Variants in KLHL24 observed in about 807,000 individuals in gnomAD.
KLHL24 encodes the protein kelch like family member 24.
A neutral mutation model predicts 53.4 loss-of-function variants in KLHL24; 29 were observed. The observed-to-expected ratio is 0.54, with a 90% CI of 0.40 to 0.74. The LOEUF is 0.74. KLHL24 is among the 30% of genes least tolerant of loss of function. KLHL24 has a pLI of 0.00. For synonymous variants in KLHL24, 222 were observed against 253.7 expected, an observed-to-expected ratio of 0.88 and a Z score of 1.19; for missense variants, 504 against 744.0, an observed-to-expected ratio of 0.68 and a Z score of 3.75.
At position 183,672,302 on chromosome 3, in the gene KLHL24, T is replaced by G; in HGVS notation, c.1420T>G (p.Ser474Ala). 6.4e-7 allele frequency: 1 copy of G among 1,572,888 alleles called. No homozygotes were observed. The highest frequency in any genetic ancestry group is 8.6e-7 in the Non-Finnish European group (1 of 1,157,302). ...TATTTTTATATGTTATTAGGTTCAA[T>G]CTTATGATCCAGAAACCAATTCTTG... ...DDNTCSDKVQ[S>A]YDPETNSWLL... Residue 474 changes from serine (S) to alanine (A), a missense_variant, in exon 7 of 8, where the codon TCT (serine) becomes GCT (alanine). By Grantham distance (99) the Ser-to-Ala change is moderately conservative (BLOSUM62 1). Transcript: ENST00000242810.
rs980104811 is a variant in KLHL24 at position 183,680,002 on chromosome 3, C to A, written c.*716C>A. ...AATTCCTAAGAGAAAAATGGAATGGCCTTTGAAGGAAAAATGACCCACTAT... is the reference window on the plus strand; with the variant it reads ...AATTCCTAAGAGAAAAATGGAATGGACTTTGAAGGAAAAATGACCCACTAT... On this transcript the variant is annotated 3_prime_UTR_variant, in exon 8 of 8. Transcript: ENST00000242810. 3.3e-5 allele frequency: 5 copies of A among 152,108 alleles called. No homozygotes were observed. Among genetic ancestry groups the A allele is most frequent in the African/African-American group, 9.7e-5 (4 of 41,430 alleles). The allele number at this position is 152,108 out of a possible 1,614,324, so 9.4% of individuals were successfully genotyped here. A position where few individuals can be genotyped will look rare whatever the true frequency, so the allele number is the denominator to read the frequency against.
chr3:183,648,214 C>G (rs78760031), intron 2 of KLHL24, among the ~76,000 whole-genome samples: 3,890 of 151,916 alleles, frequency 0.026, 72 homozygotes, highest in Middle Eastern at 0.041. Flanking sequence ...AGTAGGATAT[C>G]TGGGGCATTA....
intron 5 of KLHL24, among the ~76,000 whole-genome samples, chr3:183,666,259 AT>A (rs59275668): frequency 0.34 from 50,770 of 149,966 alleles, 9,353 homozygotes; most frequent in African/African-American, 0.49. Flanking sequence ...GATTTTGGAT[AT>A]TTTTTTTTTC....
chr3:183,644,331 A>G (rs1015786271), intron 2 of KLHL24, among the ~76,000 whole-genome samples: 3 of 152,162 alleles, frequency 2.0e-5, no homozygotes. Context: ...TCACACTCCT[A>G]AGATGCCCTC....
At chr3:183,639,295 CTA>C (rs1196983525) in intron 1 of KLHL24, among the ~76,000 whole-genome samples, 2 of 152,056 alleles carry the variant, frequency 1.3e-5, no homozygotes, top group African/African-American at 4.8e-5. Context: ...AAACCACTGA[CTA>C]TGTGCTTTTA....
intron 5 of KLHL24, among the ~76,000 whole-genome samples, chr3:183,669,536 G>T (rs2108868162): frequency 6.6e-6 from 1 of 152,222 alleles, no homozygotes; most frequent in Admixed American, 6.5e-5. Context: ...TGTCTGAGCT[G>T]CATAGTGTTG....
intron 1 of KLHL24, among the ~76,000 whole-genome samples, chr3:183,639,595 A>G: frequency 7.2e-6 from 1 of 139,586 alleles, no homozygotes; most frequent in Non-Finnish European, 1.5e-5. Flanking sequence ...GCGCCGCTGC[A>G]CTCCAGCCTG....
Position 183,683,829 on chromosome 3 carries a change from T to G in KLHL24, c.*4543T>G, listed in dbSNP as rs1403872843. On this transcript the variant is annotated 3_prime_UTR_variant, in exon 8 of 8. Transcript: ENST00000242810. The stretch of plus-strand genomic sequence containing the variant: ...CAATCTAAATGAAGCTTACCTTAGA[T>G]AAGGTTCATATTTGTTTCCTATAGA... 1 of 152,660 alleles carries G rather than the reference T, an allele frequency of 6.6e-6. No homozygotes were observed. Among genetic ancestry groups the G allele is most frequent in the Admixed American group, 6.5e-5 (1 of 15,280 alleles). The allele number at this position is 152,660 out of a possible 1,614,324, so 9.5% of individuals were successfully genotyped here.
In KLHL24 at chr3:183,648,874, GTGCC is replaced by G. The variant is rs766992347; in HGVS notation, c.-61-1419_-61-1416del. 8.8e-4 allele frequency among the ~76,000 whole-genome samples: 134 copies of G among 152,162 alleles called. 1 individual carries two copies. The highest frequency in any genetic ancestry group is 3.1e-3 in the African/African-American group (130 of 41,522). Reference sequence around the variant, plus strand: ...AAAATTAGCCGGGTGTGGTGGGTACGTGCCTGTAGTCCCAGCTACTCGGGAGGCT... The same window carrying G: ...AAAATTAGCCGGGTGTGGTGGGTACGTGTAGTCCCAGCTACTCGGGAGGCT... On this transcript the variant is annotated intron_variant, in intron 2 of 7. Transcript: ENST00000242810.
chr3:183,660,170 C>A (rs1432306997), intron 3 of KLHL24, among the ~76,000 whole-genome samples: 4 of 147,930 alleles, frequency 2.7e-5, no homozygotes, highest in African/African-American at 7.5e-5. Context: ...CTCCCTCTGT[C>A]ACCCAGCCTA....
chr3:183,659,486 C>T (rs1393039978), intron 3 of KLHL24, among the ~76,000 whole-genome samples: 3 of 152,306 alleles, frequency 2.0e-5, no homozygotes, highest in East Asian at 1.9e-4. Flanking sequence ...ATTGCAAGAT[C>T]GTGTCACTGT....
In KLHL24 at chr3:183,679,234, A is replaced by G. The variant is rs143529905; in HGVS notation, c.1751A>G (p.Tyr584Cys). 1.4e-5 allele frequency: 23 copies of G among 1,614,018 alleles called. No individual in the cohort carries two copies. Among genetic ancestry groups the G allele is most frequent in the Non-Finnish European group, 1.7e-5 (20 of 1,180,010 alleles). Residue 584 changes from tyrosine to cysteine, a missense_variant, in exon 8 of 8, where the codon TAT (tyrosine) becomes TGT (cysteine). Coordinates refer to ENST00000242810, the MANE Select transcript of KLHL24 (RefSeq NM_017644.3). ...GVAAMPRPVS[Y>C]HGCVTIHRYN... ...GCTGCAATGCCCAGGCCAGTGTCCTATCATGGCTGTGTGACTATTCATAGA... is the reference window on the plus strand; with the variant it reads ...GCTGCAATGCCCAGGCCAGTGTCCTGTCATGGCTGTGTGACTATTCATAGA...
chr3:183,648,807 G>A (rs3755651), intron 2 of KLHL24, among the ~76,000 whole-genome samples: 24,942 of 152,040 alleles, frequency 0.16, 2,169 homozygotes, highest in East Asian at 0.32. Flanking sequence ...TTCAAGACCA[G>A]CCTGGGCAAC....
chr3:183,639,446 CGG>C (rs1560144506), intron 1 of KLHL24, among the ~76,000 whole-genome samples: 2 of 150,010 alleles, frequency 1.3e-5, no homozygotes, highest in Non-Finnish European at 3.0e-5. Flanking sequence ...CTGGCTAACA[CGG>C]AGAAACCCCG....
chr3:183,640,587 TTTTTTC>T (rs1716232502), intron 1 of KLHL24, among the ~76,000 whole-genome samples: 1 of 110,878 alleles, frequency 9.0e-6, no homozygotes, highest in Admixed American at 8.3e-5. Context: ...CTTTTTTTTC[TTTTTTC>T]TTTTTTCTTT....
chr3:183,639,124 C>T (rs1478650865), intron 1 of KLHL24, among the ~76,000 whole-genome samples: 3 of 151,864 alleles, frequency 2.0e-5, no homozygotes, highest in Admixed American at 6.6e-5. Context: ...TCACTTGAAC[C>T]GGGAGGCGGA....
chr3:183,671,908 A>G (rs1236737142), intron 6 of KLHL24, among the ~76,000 whole-genome samples: 1 of 152,184 alleles, frequency 6.6e-6, no homozygotes, highest in Admixed American at 6.5e-5. Context: ...GAGCATACTG[A>G]TTGAATTGAG....
At chr3:183,665,624 C>T (rs2108851724) in intron 5 of KLHL24, among the ~76,000 whole-genome samples, 1 of 152,040 alleles carries the variant, frequency 6.6e-6, no homozygotes, top group Admixed American at 6.5e-5. Flanking sequence ...GTGGCGGGTG[C>T]CTGTAGTCCC....
chr3:183,651,146 T>A lies in KLHL24; in HGVS notation c.790T>A (p.Tyr264Asn). ...GAGACTCCCTCTGTTGCATCCCAACTACTTTGTTCAAACAGTTGAAGTGGA... is the reference window on the plus strand; with the variant it reads ...GAGACTCCCTCTGTTGCATCCCAACAACTTTGTTCAAACAGTTGAAGTGGA... Reference protein sequence around the residue: ...HVRLPLLHPNYFVQTVEVDQL... With the variant: ...HVRLPLLHPNNFVQTVEVDQL... Residue 264 changes from tyrosine (Y) to asparagine (N), a missense_variant, in exon 3 of 8, where the codon TAC becomes AAC. Transcript: ENST00000242810. 3 of 1,614,190 alleles carry A rather than the reference T, an allele frequency of 1.9e-6. No individual in the cohort carries two copies. Among genetic ancestry groups the A allele is most frequent in the Non-Finnish European group, 2.5e-6 (3 of 1,180,020 alleles).
Sources: gnomAD v4.1 joint callset for allele counts (sites outside exome capture counted in the v4.1 genomes callset) on GRCh38, gnomAD v4.1.1 for gene constraint, MANE v1.5 for transcripts, NCBI Gene and HGNC (gene_info 2026-07-23, HGNC 2026-07-21) for gene names.